Variants in PPP1R9A observed in about 807,000 individuals in gnomAD.
PPP1R9A encodes the protein protein phosphatase 1 regulatory subunit 9A, also known as neurabin-1.
PPP1R9A carries 59 observed loss-of-function variants against 141.9 expected under a neutral mutation model. The observed-to-expected ratio is 0.42, with a 90% confidence interval of 0.34 to 0.52. PPP1R9A has a LOEUF of 0.52. Among genes scored for constraint, PPP1R9A ranks in the 20% least tolerant of loss-of-function variants. The pLI is 0.10. For missense variants in PPP1R9A, 1,444 were observed against 1,611.9 expected (o/e 0.90, Z 1.78); for synonymous variants, 500 against 569.7 (o/e 0.88, Z 1.74).
At chr7:94,971,923 AC>A (rs1314151041) in intron 2 of PPP1R9A, among the ~76,000 whole-genome samples, 3 of 152,078 alleles carry the variant, frequency 2.0e-5, no homozygotes, top group Non-Finnish European at 2.9e-5. Context: ...TTCCTTTAAA[AC>A]CTGATTTAAA....
intron 2 of PPP1R9A, among the ~76,000 whole-genome samples, chr7:94,945,874 T>A (rs1488669507): frequency 6.6e-6 from 1 of 152,058 alleles, no homozygotes; most frequent in Non-Finnish European, 1.5e-5. Context: ...TTAATTTTAA[T>A]ATACTTTACT....
At chr7:95,193,643 T>C in intron 5 of PPP1R9A, among the ~76,000 whole-genome samples, 1 of 152,054 alleles carries the variant, frequency 6.6e-6, no homozygotes, top group East Asian at 1.9e-4. Context: ...TTGCAAATTA[T>C]ATTTGAGTTT....
chr7:95,003,950 C>T (rs1162257664), intron 2 of PPP1R9A, among the ~76,000 whole-genome samples: 3 of 152,098 alleles, frequency 2.0e-5, no homozygotes, highest in Non-Finnish European at 4.4e-5. Flanking sequence ...AGGTAGGGAG[C>T]AGGTGAAGGC....
Position 95,268,642 on chromosome 7 carries a change from C to A in PPP1R9A, c.2758C>A (p.Pro920Thr), listed in dbSNP as rs372926792. Residue 920 changes from proline to threonine, a missense_variant, in exon 13 of 20, where the codon CCC (proline) becomes ACC (threonine). Physicochemically the swap from Pro to Thr is conservative, Grantham distance 38. Transcript: ENST00000433360. ...QLSVKNRRQRPSRTRLYDSVS... is the reference protein window; with the variant it reads ...QLSVKNRRQRTSRTRLYDSVS... ...CTCTGTGAAGAACAGACGCCAGAGACCCTCTAGGACAAGACTGTATGATAG... is the reference window on the plus strand; with the variant it reads ...CTCTGTGAAGAACAGACGCCAGAGAACCTCTAGGACAAGACTGTATGATAG... 7 of 1,613,454 alleles carry A rather than the reference C, an allele frequency of 4.3e-6. No homozygotes were observed. The highest frequency in any genetic ancestry group is 5.1e-6 in the Non-Finnish European group (6 of 1,179,560).
At chr7:95,158,055 A>G (rs111968545) in intron 4 of PPP1R9A, among the ~76,000 whole-genome samples, 224 of 152,374 alleles carry the variant, frequency 1.5e-3, no homozygotes, top group African/African-American at 5.3e-3. Flanking sequence ...GAATTGCCCT[A>G]TGAAATGCAA....
At chr7:95,204,694 C>CCA (rs1360486072) in intron 7 of PPP1R9A, among the ~76,000 whole-genome samples, 4 of 118,964 alleles carry the variant, frequency 3.4e-5, no homozygotes, top group Admixed American at 2.8e-4. Flanking sequence ...CCACACATAC[C>CCA]CACACACACC....
At chr7:95,100,210 G>A (rs558092768) in intron 2 of PPP1R9A, among the ~76,000 whole-genome samples, 8 of 151,984 alleles carry the variant, frequency 5.3e-5, no homozygotes, top group African/African-American at 1.7e-4. Flanking sequence ...GTTTGACCCC[G>A]GGAGTTTGAG....
chr7:95,048,638 G>A (rs1008627519), intron 2 of PPP1R9A, among the ~76,000 whole-genome samples: 1 of 151,940 alleles, frequency 6.6e-6, no homozygotes, highest in Non-Finnish European at 1.5e-5. Context: ...CGCCTCCTGG[G>A]TTCAATCTAT....
intron 2 of PPP1R9A, among the ~76,000 whole-genome samples, chr7:95,091,337 CTTTTTT>C (rs555627706): frequency 1.3e-5 from 1 of 75,972 alleles, no homozygotes; most frequent in Non-Finnish European, 2.4e-5. Flanking sequence ...TGTTTTAACT[CTTTTTT>C]TTTTTTTTTT....
At chr7:95,207,071 A>T (rs1790958695) in intron 7 of PPP1R9A, among the ~76,000 whole-genome samples, 1 of 152,184 alleles carries the variant, frequency 6.6e-6, no homozygotes, top group South Asian at 2.1e-4. Flanking sequence ...AGAAAAAAAA[A>T]AGCATATCTT....
chr7:94,938,008 T>C (rs1240354744), intron 2 of PPP1R9A, among the ~76,000 whole-genome samples: 1 of 152,276 alleles, frequency 6.6e-6, no homozygotes, highest in African/African-American at 2.4e-5. Flanking sequence ...GACAACATAT[T>C]CACTATAGTT....
chr7:94,999,324 G>A (rs1054162678), intron 2 of PPP1R9A, among the ~76,000 whole-genome samples: 3 of 152,124 alleles, frequency 2.0e-5, no homozygotes, highest in African/African-American at 7.2e-5. Context: ...AAGCTGTCCT[G>A]TGTTCAGTCA....
At chr7:94,966,797 AG>A (rs1230114649) in intron 2 of PPP1R9A, among the ~76,000 whole-genome samples, 1 of 151,972 alleles carries the variant, frequency 6.6e-6, no homozygotes, top group Non-Finnish European at 1.5e-5. Flanking sequence ...GTGTCCCTGC[AG>A]GGTTTTGGTA....
At position 94,981,234 on chromosome 7, in the gene PPP1R9A, T is replaced by TA. The variant is rs1800066186; in HGVS notation, c.1395+69727dup. Among the ~76,000 whole-genome samples the TA allele has an allele frequency of 3.9e-5, 6 of 151,924 alleles. No homozygotes were observed. In the South Asian group the frequency reaches 1.2e-3, roughly 32 times the overall value. On this transcript the variant is annotated intron_variant, in intron 2 of 19. Transcript: ENST00000433360. ...TCTTAGGCAGGGGGCCCAGTGTACTTATTTATTTATTTTTTTTGAGACACA... is the reference window on the plus strand; with the variant it reads ...TCTTAGGCAGGGGGCCCAGTGTACTTAATTTATTTATTTTTTTTGAGACACA...
At chr7:95,117,510 G>A (rs1821735543) in intron 3 of PPP1R9A, among the ~76,000 whole-genome samples, 1 of 152,134 alleles carries the variant, frequency 6.6e-6, no homozygotes, top group Admixed American at 6.6e-5. Context: ...TGGATTTTCA[G>A]CTCTGCAAAT....
intron 4 of PPP1R9A, among the ~76,000 whole-genome samples, chr7:95,145,311 G>T (rs189552338): frequency 4.6e-5 from 7 of 152,290 alleles, no homozygotes. Flanking sequence ...GATGCTGTCT[G>T]CAGTGAATAT....
At chr7:95,058,939 G>A (rs566757049) in intron 2 of PPP1R9A, among the ~76,000 whole-genome samples, 2 of 152,020 alleles carry the variant, frequency 1.3e-5, no homozygotes, top group Non-Finnish European at 2.9e-5. Flanking sequence ...GTAGGCGTGT[G>A]CCACCACATC....
At position 95,283,733 on chromosome 7, in the gene PPP1R9A, C is replaced by G. The variant is rs117009993; in HGVS notation, c.3297-285C>G. Among the ~76,000 whole-genome samples the G allele has an allele frequency of 1.1e-4, 16 of 152,180 alleles. No individual in the cohort carries two copies. The East Asian group carries it at 2.9e-3, about 28-fold the overall frequency. ...ATAGCAGTTCCTAAAAGACTGTGCC[C>G]CTCCCTGATTATAATTCATCTACGT... On this transcript the variant is annotated intron_variant, in intron 16 of 19. Coordinates refer to ENST00000433360, the MANE Select transcript of PPP1R9A (RefSeq NM_001166160.2).
intron 2 of PPP1R9A, among the ~76,000 whole-genome samples, chr7:94,997,103 C>G (rs976355777): frequency 3.3e-5 from 5 of 152,056 alleles, no homozygotes; most frequent in Non-Finnish European, 5.9e-5. Context: ...CACACCTGGC[C>G]AGATACTCTG....
Sources: gnomAD v4.1 joint callset for allele counts (sites outside exome capture counted in the v4.1 genomes callset) on GRCh38, gnomAD v4.1.1 for gene constraint, MANE v1.5 for transcripts, NCBI Gene and HGNC (gene_info 2026-07-23, HGNC 2026-07-21) for gene names.